Variants in SAMD12 observed in about 807,000 individuals in gnomAD.
SAMD12 encodes the protein sterile alpha motif domain containing 12.
Under a neutral mutation model 15.0 loss-of-function variants are expected in SAMD12, and 9 were observed. That is an observed-to-expected ratio of 0.60 (90% CI 0.36 to 1.05). The LOEUF (loss-of-function observed/expected upper bound fraction) is 1.05. Among genes scored for constraint, SAMD12 ranks in the 50% least tolerant of loss-of-function variants. SAMD12 has a pLI of 0.01. For synonymous variants in SAMD12, 86 were observed against 90.1 expected, an observed-to-expected ratio of 0.96 and a Z score of 0.25; for missense variants, 230 against 234.2, an observed-to-expected ratio of 0.98 and a Z score of 0.12.
chr8:118,325,477 T>C (rs1387411688), intron 4 of SAMD12, among the ~76,000 whole-genome samples: 2 of 152,186 alleles, frequency 1.3e-5, no homozygotes, highest in Non-Finnish European at 2.9e-5. Context: ...ATATTTAAGG[T>C]ATAAAATGTG....
intron 2 of SAMD12, among the ~76,000 whole-genome samples, chr8:118,529,208 T>G (rs1237822316): frequency 1.3e-5 from 2 of 152,170 alleles, no homozygotes; most frequent in Non-Finnish European, 2.9e-5. Flanking sequence ...TCTGTTTCAT[T>G]TACTTTTCAG....
chr8:118,237,951 T>C (rs1812472356), intron 4 of SAMD12, among the ~76,000 whole-genome samples: 1 of 152,112 alleles, frequency 6.6e-6, no homozygotes, highest in Admixed American at 6.6e-5. Flanking sequence ...CCACCTTCTC[T>C]ATCAAAGCTC....
chr8:118,610,884 T>G (rs1451003780), intron 1 of SAMD12, among the ~76,000 whole-genome samples: 1 of 152,324 alleles, frequency 6.6e-6, no homozygotes, highest in East Asian at 1.9e-4. Flanking sequence ...AGTTCCCTCT[T>G]GTGATCTTAC....
intron 2 of SAMD12, among the ~76,000 whole-genome samples, chr8:118,561,439 A>G (rs950624014): frequency 6.6e-6 from 1 of 152,246 alleles, no homozygotes; most frequent in South Asian, 2.1e-4. Flanking sequence ...TAATAAAGAC[A>G]TACCTGAGAC....
intron 3 of SAMD12, among the ~76,000 whole-genome samples, chr8:118,410,728 A>G (rs137908476): frequency 3.3e-5 from 5 of 152,316 alleles, no homozygotes; most frequent in South Asian, 2.1e-4. Context: ...TTCAGTTAAC[A>G]TTACAAGGTT....
intron 4 of SAMD12, among the ~76,000 whole-genome samples, chr8:118,369,693 C>T (rs1818981088): frequency 6.6e-6 from 1 of 151,698 alleles, no homozygotes. Flanking sequence ...CCCGCCCGGG[C>T]AACAAGAGTA....
At chr8:118,505,590 G>C (rs1424535734) in intron 2 of SAMD12, among the ~76,000 whole-genome samples, 1 of 151,916 alleles carries the variant, frequency 6.6e-6, no homozygotes, top group Non-Finnish European at 1.5e-5. Context: ...GAATGTAAAA[G>C]CCACATGCTA....
intron 2 of SAMD12, among the ~76,000 whole-genome samples, chr8:118,503,865 A>G (rs777164623): frequency 3.1e-4 from 47 of 152,240 alleles, no homozygotes; most frequent in Non-Finnish European, 6.2e-4. Flanking sequence ...GTGATTTTGT[A>G]GAGTCTGAGG....
chr8:118,536,766 G>T (rs1399076247), intron 2 of SAMD12, among the ~76,000 whole-genome samples: 1 of 152,094 alleles, frequency 6.6e-6, no homozygotes, highest in African/African-American at 2.4e-5. Flanking sequence ...TTTGATTGAT[G>T]CATCTTTCAG....
At chr8:118,522,997 A>G (rs756629451) in intron 2 of SAMD12, among the ~76,000 whole-genome samples, 6 of 152,168 alleles carry the variant, frequency 3.9e-5, no homozygotes, top group Non-Finnish European at 8.8e-5. Flanking sequence ...GATATTTGAC[A>G]TTTCTCTAGC....
chr8:118,179,853 C>T, the SAMD12 span, among the ~76,000 whole-genome samples: 1 of 152,186 alleles, frequency 6.6e-6, no homozygotes, highest in African/African-American at 2.4e-5. Flanking sequence ...CCCTTCATAC[C>T]ATCAGATATT....
intron 2 of SAMD12, among the ~76,000 whole-genome samples, chr8:118,468,043 C>G (rs1179624580): frequency 6.6e-6 from 1 of 152,162 alleles, no homozygotes; most frequent in Non-Finnish European, 1.5e-5. Context: ...CTCATTCGTG[C>G]AAACCACAAA....
intron 3 of SAMD12, among the ~76,000 whole-genome samples, chr8:118,427,394 G>A (rs1442613195): frequency 6.6e-6 from 1 of 152,170 alleles, no homozygotes; most frequent in Non-Finnish European, 1.5e-5. Context: ...ATATCAAGTA[G>A]ATGATGTTTG....
chr8:118,349,351 A>T (rs1301343592), intron 4 of SAMD12, among the ~76,000 whole-genome samples: 1 of 152,242 alleles, frequency 6.6e-6, no homozygotes, highest in Admixed American at 6.5e-5. Context: ...TGTAGTGTGT[A>T]GACACAGGTG....
chr8:118,525,332 C>A (rs1457193117), intron 2 of SAMD12, among the ~76,000 whole-genome samples: 1 of 152,180 alleles, frequency 6.6e-6, no homozygotes, highest in Non-Finnish European at 1.5e-5. Flanking sequence ...CCACCCCATA[C>A]ACGTTTTTCC....
chr8:118,137,526 TCTC>T, the SAMD12 span, among the ~76,000 whole-genome samples: 28 of 152,248 alleles, frequency 1.8e-4, no homozygotes, highest in African/African-American at 6.3e-4. Context: ...TGGACCCTAT[TCTC>T]CTGCCTCACT....
At chr8:118,594,596 GA>G (rs1340764747) in intron 1 of SAMD12, among the ~76,000 whole-genome samples, 2 of 151,946 alleles carry the variant, frequency 1.3e-5, no homozygotes, top group African/African-American at 4.8e-5. Flanking sequence ...CTGCAAAATT[GA>G]AAAAGGAAAC....
intron 4 of SAMD12, among the ~76,000 whole-genome samples, chr8:118,367,071 C>A (rs567980038): frequency 1.3e-4 from 19 of 151,904 alleles, no homozygotes; most frequent in South Asian, 6.3e-4. Flanking sequence ...GCACATGGTA[C>A]CTTCTAGAAT....
chr8:118,404,074 C>T (rs529803425), intron 3 of SAMD12, among the ~76,000 whole-genome samples: 2 of 152,254 alleles, frequency 1.3e-5, no homozygotes, highest in South Asian at 4.1e-4. Flanking sequence ...CCTCGACCTG[C>T]GGGGCACAAG....
Sources: gnomAD v4.1 joint callset for allele counts (sites outside exome capture counted in the v4.1 genomes callset) on GRCh38, gnomAD v4.1.1 for gene constraint, MANE v1.5 for transcripts, NCBI Gene and HGNC (gene_info 2026-07-23, HGNC 2026-07-21) for gene names.